PTPRD: variants seen among roughly 807,000 people sequenced by gnomAD.
PTPRD encodes receptor-type tyrosine-protein phosphatase delta.
PTPRD carries 34 observed loss-of-function variants against 214.5 expected under a neutral mutation model. That is an observed-to-expected ratio of 0.16 (90% CI 0.12 to 0.21). The LOEUF is 0.21. Ranked by LOEUF, PTPRD falls within the 10% of genes least tolerant of loss-of-function variation. PTPRD has a pLI of 1.00. For missense variants in PTPRD, 2,545 were observed against 2,398.7 expected, an observed-to-expected ratio of 1.06 and a Z score of -1.27; for synonymous variants, 1,128 against 845.7, an observed-to-expected ratio of 1.33 and a Z score of -5.79.
At chr9:10,154,944 C>T (rs924780172) in intron 3 of PTPRD, among the ~76,000 whole-genome samples, 6 of 151,882 alleles carry the variant, frequency 4.0e-5, no homozygotes, top group African/African-American at 1.4e-4. Context: ...TTTTTTGGTC[C>T]CATATGAATT....
chr9:9,132,737 T>A (rs1322940965), intron 10 of PTPRD, among the ~76,000 whole-genome samples: 1 of 152,230 alleles, frequency 6.6e-6, no homozygotes, highest in East Asian at 1.9e-4. Context: ...GTAGGCAATG[T>A]TGCAGATTCC....
intron 11 of PTPRD, among the ~76,000 whole-genome samples, chr9:8,948,028 T>G (rs1249668600): frequency 6.6e-6 from 1 of 150,996 alleles, no homozygotes; most frequent in Admixed American, 6.6e-5. Context: ...TCTCTTTTTT[T>G]TTTTTTTTTT....
intron 7 of PTPRD, among the ~76,000 whole-genome samples, chr9:9,664,930 T>C (rs1486316325): frequency 6.6e-6 from 1 of 151,722 alleles, no homozygotes; most frequent in African/African-American, 2.4e-5. Flanking sequence ...GAACAGAAAC[T>C]TGTATTTTAA....
chr9:9,218,914 C>G (rs1411186007), intron 9 of PTPRD, among the ~76,000 whole-genome samples: 1 of 152,012 alleles, frequency 6.6e-6, no homozygotes, highest in Admixed American at 6.6e-5. Context: ...ATATAAGAAG[C>G]CAAATAGACC....
At chr9:9,082,306 T>A (rs1032898707) in intron 10 of PTPRD, among the ~76,000 whole-genome samples, 1 of 152,084 alleles carries the variant, frequency 6.6e-6, no homozygotes, top group Non-Finnish European at 1.5e-5. Flanking sequence ...GTTCAACATA[T>A]GCCAATCAAT....
At chr9:8,689,626 T>G (rs1344899350) in intron 12 of PTPRD, among the ~76,000 whole-genome samples, 3 of 152,146 alleles carry the variant, frequency 2.0e-5, no homozygotes, top group African/African-American at 7.2e-5. Context: ...ATGATTCAAA[T>G]TATCTCCCAT....
intron 14 of PTPRD, among the ~76,000 whole-genome samples, chr9:8,632,489 A>G (rs1290885254): frequency 6.6e-6 from 1 of 151,932 alleles, no homozygotes; most frequent in Admixed American, 6.6e-5. Context: ...AAACAAAACA[A>G]ATGAGTTGTG....
intron 8 of PTPRD, among the ~76,000 whole-genome samples, chr9:9,451,101 A>T (rs1470798905): frequency 2.6e-5 from 4 of 151,724 alleles, no homozygotes; most frequent in African/African-American, 9.7e-5. Flanking sequence ...TGTTCAGTAA[A>T]TGCCAAAGTC....
intron 10 of PTPRD, among the ~76,000 whole-genome samples, chr9:9,129,407 G>A (rs2099839158): frequency 6.6e-6 from 1 of 151,640 alleles, no homozygotes; most frequent in African/African-American, 2.4e-5. Flanking sequence ...AAATAAATAA[G>A]AGAATTAAAT....
intron 3 of PTPRD, among the ~76,000 whole-genome samples, chr9:10,201,899 C>CT (rs148679767): frequency 0.18 from 27,183 of 150,420 alleles, 3,527 homozygotes; most frequent in African/African-American, 0.37. Flanking sequence ...TTTCAGTAAA[C>CT]TTTTTTTTTT....
At chr9:8,464,976 A>G (rs1591254336) in intron 32 of PTPRD, among the ~76,000 whole-genome samples, 1 of 152,036 alleles carries the variant, frequency 6.6e-6, no homozygotes, top group East Asian at 1.9e-4. Context: ...CTTGGCAGAT[A>G]TAGGAGAATA....
chr9:8,832,294 G>C (rs1310612151), intron 11 of PTPRD, among the ~76,000 whole-genome samples: 1 of 151,294 alleles, frequency 6.6e-6, no homozygotes, highest in Non-Finnish European at 1.5e-5. Flanking sequence ...ACTGCTTTGA[G>C]AAAAACAATG....
At chr9:9,133,496 G>C (rs960567115) in intron 10 of PTPRD, among the ~76,000 whole-genome samples, 2 of 152,034 alleles carry the variant, frequency 1.3e-5, no homozygotes, top group Admixed American at 1.3e-4. Flanking sequence ...TGAAAGAAAA[G>C]CAAAAGGGAA....
At chr9:8,618,163 A>G (rs921435136) in intron 14 of PTPRD, among the ~76,000 whole-genome samples, 2 of 152,140 alleles carry the variant, frequency 1.3e-5, no homozygotes, top group Admixed American at 6.6e-5. Flanking sequence ...TAAGACCTGT[A>G]AAGCTTCCAC....
At chr9:8,486,401 T>C (rs760421815) in intron 27 of PTPRD, 52 bp from the exon 28 acceptor site, 2 of 1,469,106 alleles carry the variant, frequency 1.4e-6, no homozygotes. Flanking sequence ...ACGTTCACAT[T>C]TCAGTCATTG....
At chr9:8,515,574 G>C (rs1183411871) in intron 21 of PTPRD, among the ~76,000 whole-genome samples, 1 of 152,154 alleles carries the variant, frequency 6.6e-6, no homozygotes, top group African/African-American at 2.4e-5. Flanking sequence ...TTATGACTGT[G>C]TACTAGTGAA....
chr9:10,115,863 G>GT (rs1162765427), intron 3 of PTPRD, among the ~76,000 whole-genome samples: 1 of 152,054 alleles, frequency 6.6e-6, no homozygotes, highest in Non-Finnish European at 1.5e-5. Flanking sequence ...AAATATGTAT[G>GT]TGTGTATCCC....
At chr9:10,157,643 T>C (rs2099101748) in intron 3 of PTPRD, among the ~76,000 whole-genome samples, 1 of 152,140 alleles carries the variant, frequency 6.6e-6, no homozygotes, top group Non-Finnish European at 1.5e-5. Context: ...AGTATCTTAC[T>C]GGGTTTCTCG....
chr9:9,225,497 CAAATTCCT>C (rs1220483177), intron 9 of PTPRD, among the ~76,000 whole-genome samples: 1 of 151,988 alleles, frequency 6.6e-6, no homozygotes, highest in African/African-American at 2.4e-5. Flanking sequence ...TGCTTTATGC[CAAATTCCT>C]TGTGCTACAA....
Sources: gnomAD v4.1 joint callset for allele counts (sites outside exome capture counted in the v4.1 genomes callset) on GRCh38, gnomAD v4.1.1 for gene constraint, MANE v1.5 for transcripts, NCBI Gene and HGNC (gene_info 2026-07-23, HGNC 2026-07-21) for gene names.